SGMS1: variants seen among roughly 807,000 people sequenced by gnomAD.
The protein encoded by SGMS1 is phosphatidylcholine:ceramide cholinephosphotransferase 1.
SGMS1 carries 13 observed loss-of-function variants against 46.2 expected under a neutral mutation model. The ratio of observed to expected loss-of-function variants is 0.28; its 90% CI spans 0.18 to 0.45. The LOEUF (loss-of-function observed/expected upper bound fraction) is 0.45. Ranked by LOEUF, SGMS1 falls within the 20% of genes least tolerant of loss-of-function variation. SGMS1 has a pLI of 1.00. For missense variants in SGMS1, 324 were observed against 519.9 expected, an observed-to-expected ratio of 0.62 and a Z score of 3.66; for synonymous variants, 203 against 187.8, an observed-to-expected ratio of 1.08 and a Z score of -0.66.
chr10:50,480,039 T>C (rs1837462175), intron 3 of SGMS1, among the ~76,000 whole-genome samples: 1 of 152,186 alleles, frequency 6.6e-6, no homozygotes, highest in African/African-American at 2.4e-5. Flanking sequence ...GCCTTTTACA[T>C]TCTATTAGTT....
At chr10:50,404,361 C>A (rs1332256865) in intron 6 of SGMS1, among the ~76,000 whole-genome samples, 2 of 150,074 alleles carry the variant, frequency 1.3e-5, no homozygotes, top group Non-Finnish European at 3.0e-5. Context: ...AAGCCCAGTG[C>A]TTTGAGAGTC....
At position 50,308,095 on chromosome 10, in the gene SGMS1, C is replaced by T. The variant is rs776591813; in HGVS notation, c.949G>A (p.Val317Ile). The T allele has an allele frequency of 4.3e-6, 7 of 1,614,022 alleles. No individual in the cohort carries two copies. Among genetic ancestry groups the T allele is most frequent in the Non-Finnish European group, 5.9e-6 (7 of 1,179,916 alleles). ...GCTAAGAGAATACAGAAGATTCCAACTACGCTGAGAAGCCAGCAAATCCAG... is the reference window on the plus strand; with the variant it reads ...GCTAAGAGAATACAGAAGATTCCAATTACGCTGAGAAGCCAGCAAATCCAG... Reference protein sequence around the residue: ...YHWICWLLSVVGIFCILLAHD... With the variant: ...YHWICWLLSVIGIFCILLAHD... Residue 317 changes from valine (V) to isoleucine (I), a missense_variant, in exon 10 of 11, where the codon GTT becomes ATT. Coordinates refer to ENST00000361781, the MANE Select transcript of SGMS1 (RefSeq NM_147156.4).
intron 2 of SGMS1, among the ~76,000 whole-genome samples, chr10:50,538,801 G>A (rs772986934): frequency 6.6e-6 from 1 of 152,180 alleles, no homozygotes; most frequent in Non-Finnish European, 1.5e-5. Flanking sequence ...ATCATTAAGT[G>A]GTCAAAGGCG....
intron 8 of SGMS1, among the ~76,000 whole-genome samples, chr10:50,322,789 G>A (rs1022457342): frequency 1.4e-5 from 2 of 139,322 alleles, no homozygotes; most frequent in African/African-American, 2.8e-5. Context: ...CCGAGATTGC[G>A]CCACTGCAGT....
chr10:50,624,953 C>T (rs1326063324), upstream of SGMS1: 3 of 1,028,230 alleles, frequency 2.9e-6, no homozygotes, highest in Non-Finnish European at 1.2e-6. Context: ...GGGCAGCCAT[C>T]TTCCGCCCGG....
chr10:50,544,110 C>T (rs190253366), intron 2 of SGMS1, among the ~76,000 whole-genome samples: 2 of 152,332 alleles, frequency 1.3e-5, no homozygotes, highest in South Asian at 4.1e-4. Context: ...CACATGCTGA[C>T]ATAGCTTATA....
intron 6 of SGMS1, among the ~76,000 whole-genome samples, chr10:50,399,947 T>C (rs1384439420): frequency 2.0e-5 from 3 of 150,144 alleles, no homozygotes; most frequent in African/African-American, 7.4e-5. Context: ...GAAAATGGCA[T>C]GAACCTAGGA....
intron 5 of SGMS1, among the ~76,000 whole-genome samples, chr10:50,442,732 T>C (rs1338653982): frequency 6.6e-6 from 1 of 152,238 alleles, no homozygotes. Context: ...TTTGTTTAAT[T>C]TGTATAAGTT....
chr10:50,457,779 T>G (rs1325951510), intron 5 of SGMS1, among the ~76,000 whole-genome samples: 1 of 152,196 alleles, frequency 6.6e-6, no homozygotes, highest in Non-Finnish European at 1.5e-5. Context: ...ATTCATCAAA[T>G]TTTCTATGTA....
intron 2 of SGMS1, among the ~76,000 whole-genome samples, chr10:50,535,715 A>G (rs1837994871): frequency 6.6e-6 from 1 of 152,048 alleles, no homozygotes; most frequent in African/African-American, 2.4e-5. Flanking sequence ...CTCTATGACC[A>G]CAGGATCTAG....
At chr10:50,387,940 A>T (rs1848705867) in intron 6 of SGMS1, among the ~76,000 whole-genome samples, 1 of 152,202 alleles carries the variant, frequency 6.6e-6, no homozygotes, top group African/African-American at 2.4e-5. Context: ...CCTTTGATTG[A>T]CCAAAAATTG....
intron 7 of SGMS1, among the ~76,000 whole-genome samples, chr10:50,339,287 C>A (rs1222431515): frequency 3.3e-5 from 5 of 152,252 alleles, no homozygotes; most frequent in Non-Finnish European, 5.9e-5. Flanking sequence ...GCCACATGGA[C>A]CCTTGACCGT....
At chr10:50,470,122 G>T (rs1837365816) in intron 3 of SGMS1, among the ~76,000 whole-genome samples, 1 of 152,148 alleles carries the variant, frequency 6.6e-6, no homozygotes, top group African/African-American at 2.4e-5. Context: ...TGGCAGCCCT[G>T]TCCCACACCC....
intron 6 of SGMS1, among the ~76,000 whole-genome samples, chr10:50,425,793 T>A (rs1849318230): frequency 6.6e-6 from 1 of 152,226 alleles, no homozygotes; most frequent in African/African-American, 2.4e-5. Context: ...GTTTTGTAGA[T>A]CAGGTTGGCA....
intron 2 of SGMS1, among the ~76,000 whole-genome samples, chr10:50,536,881 T>C (rs1191983853): frequency 6.6e-6 from 1 of 152,254 alleles, no homozygotes; most frequent in East Asian, 1.9e-4. Flanking sequence ...AATCCCCTTT[T>C]GGACATCATC....
intron 1 of SGMS1, among the ~76,000 whole-genome samples, chr10:50,613,309 T>C (rs2131933488): frequency 6.6e-6 from 1 of 152,322 alleles, no homozygotes; most frequent in Middle Eastern, 3.4e-3. Flanking sequence ...GCTTTGATAC[T>C]GTACTCACTA....
chr10:50,555,627 C>T (rs1055233130), intron 2 of SGMS1, among the ~76,000 whole-genome samples: 2 of 152,230 alleles, frequency 1.3e-5, no homozygotes, highest in African/African-American at 4.8e-5. Flanking sequence ...TTGTTAGTGA[C>T]TCAAGGTACT....
intron 1 of SGMS1, among the ~76,000 whole-genome samples, chr10:50,601,491 A>G (rs928851557): frequency 6.6e-6 from 1 of 152,240 alleles, no homozygotes; most frequent in Non-Finnish European, 1.5e-5. Flanking sequence ...GCTAGGCAAG[A>G]ACCCACTTCC....
At chr10:50,323,428 C>G (rs781699937) in intron 8 of SGMS1, among the ~76,000 whole-genome samples, 1 of 152,106 alleles carries the variant, frequency 6.6e-6, no homozygotes, top group Non-Finnish European at 1.5e-5. Context: ...GAGTATCCAC[C>G]AAGTGACAGG....
Sources: allele counts gnomAD v4.1 joint callset (sites outside exome capture counted in the v4.1 genomes callset), GRCh38; gene constraint gnomAD v4.1.1; transcripts MANE v1.5; gene names NCBI Gene and HGNC (gene_info 2026-07-23, HGNC 2026-07-21).